The following SPSB4 variants were observed in gnomAD, a reference collection of about 807,000 sequenced individuals.
The protein encoded by SPSB4 is splA/ryanodine receptor domain and SOCS box containing 4.
Under a neutral mutation model 20.9 loss-of-function variants are expected in SPSB4, and 21 were observed. That is an observed-to-expected ratio of 1.01 (90% CI 0.71 to 1.45). The LOEUF is 1.45. Ranked by LOEUF, SPSB4 falls within the 40% of genes most tolerant of loss-of-function variation. The probability of loss-of-function intolerance (pLI) is 0.00; values close to 1 mark genes in which losing one functional copy is unlikely to be tolerated. For missense variants in SPSB4, 399 were observed against 399.2 expected, an observed-to-expected ratio of 1.00 and a Z score of 0.00; for synonymous variants, 207 against 183.8, an observed-to-expected ratio of 1.13 and a Z score of -1.02.
intron 2 of SPSB4, among the ~76,000 whole-genome samples, chr3:141,112,233 C>T (rs1243468536): frequency 6.6e-6 from 1 of 152,202 alleles, no homozygotes; most frequent in East Asian, 1.9e-4. Context: ...ATTAAATGAG[C>T]TAATTTATGG....
intron 2 of SPSB4, chr3:141,080,209 G>C (rs1938202583): frequency 6.6e-6 from 1 of 152,186 alleles, no homozygotes; most frequent in Non-Finnish European, 1.5e-5. Context: ...AAGGTTGAGA[G>C]ACTCGCCCAG....
chr3:141,090,805 C>T (rs547401314), intron 2 of SPSB4, among the ~76,000 whole-genome samples: 10 of 152,004 alleles, frequency 6.6e-5, no homozygotes, highest in Non-Finnish European at 4.4e-5. Context: ...GAAAATAGAC[C>T]GTAGAGGGGC....
At chr3:141,141,671 G>A (rs947291768) in intron 2 of SPSB4, among the ~76,000 whole-genome samples, 24 of 152,108 alleles carry the variant, frequency 1.6e-4, no homozygotes, top group African/African-American at 5.6e-4. Context: ...AATCCATCTG[G>A]TCCTTGACTT....
chr3:141,133,336 G>A (rs1317841493), intron 2 of SPSB4, among the ~76,000 whole-genome samples: 2 of 152,074 alleles, frequency 1.3e-5, no homozygotes, highest in African/African-American at 4.8e-5. Context: ...TATTGCATTT[G>A]CTTTTAGGTT....
chr3:141,070,667 CG>C (rs1559840562), intron 2 of SPSB4, among the ~76,000 whole-genome samples: 1 of 152,178 alleles, frequency 6.6e-6, no homozygotes, highest in Non-Finnish European at 1.5e-5. Flanking sequence ...GCGTGAGACA[CG>C]TCACCCGGCC....
intron 2 of SPSB4, among the ~76,000 whole-genome samples, chr3:141,140,307 A>T (rs1313838880): frequency 6.6e-6 from 1 of 151,910 alleles, no homozygotes; most frequent in East Asian, 1.9e-4. Context: ...GAGTAGTTTG[A>T]TCTTCTGAAG....
intron 1 of SPSB4, among the ~76,000 whole-genome samples, chr3:141,060,149 C>A (rs1212744823): frequency 2.6e-5 from 4 of 152,188 alleles, no homozygotes; most frequent in African/African-American, 9.7e-5. Flanking sequence ...CTAGTAGGGA[C>A]AGAGACTTTG....
intron 2 of SPSB4, among the ~76,000 whole-genome samples, chr3:141,100,271 G>T (rs561670503): frequency 9.2e-5 from 14 of 152,212 alleles, no homozygotes; most frequent in African/African-American, 2.7e-4. Context: ...TGACCTCATT[G>T]GGAAATGAGG....
At chr3:141,143,136 T>C (rs988479269) in intron 2 of SPSB4, among the ~76,000 whole-genome samples, 1 of 151,858 alleles carries the variant, frequency 6.6e-6, no homozygotes, top group Non-Finnish European at 1.5e-5. Flanking sequence ...CTTTTTAAAC[T>C]GTTGTTGCTT....
chr3:141,119,875 T>C lies in SPSB4; in HGVS notation c.695-27267T>C, dbSNP rs1047462127. On this transcript the variant is annotated intron_variant, in intron 2 of 2. Transcript: ENST00000310546. ...TTCAAAAAACCAGCTCCTGGATTCA[T>C]TGATTTTTTTTGAAGTGTTTTTTTG... 2.0e-5 allele frequency among the ~76,000 whole-genome samples: 3 copies of C among 152,212 alleles called. No homozygotes were observed. The East Asian group carries it at 5.8e-4, about 29-fold the overall frequency.
intron 2 of SPSB4, among the ~76,000 whole-genome samples, chr3:141,133,252 GT>G (rs1939164605): frequency 6.6e-6 from 1 of 151,928 alleles, no homozygotes; most frequent in Admixed American, 6.6e-5. Flanking sequence ...CCCACTCTGT[GT>G]TTACTCTGCT....
rs1939228612 is a variant in SPSB4 at position 141,136,373 on chromosome 3, G to A, written c.695-10769G>A. Among the ~76,000 whole-genome samples the A allele has an allele frequency of 2.0e-5, 3 of 152,212 alleles. No homozygotes were observed. The East Asian group carries it at 5.8e-4, about 29-fold the overall frequency. On this transcript the variant is annotated intron_variant, in intron 2 of 2. Coordinates refer to ENST00000310546, the MANE Select transcript of SPSB4 (RefSeq NM_080862.3). ...ATCCCATTTGTCAATTTTGTCTTTTGTTGCCATTGCTTTTGGTGTTTTAGA... is the reference window on the plus strand; with the variant it reads ...ATCCCATTTGTCAATTTTGTCTTTTATTGCCATTGCTTTTGGTGTTTTAGA...
At chr3:141,135,172 A>AT (rs1939205174) in intron 2 of SPSB4, among the ~76,000 whole-genome samples, 1 of 152,120 alleles carries the variant, frequency 6.6e-6, no homozygotes, top group East Asian at 1.9e-4. Context: ...TAAGTTGAGT[A>AT]AAATATAATT....
At chr3:141,096,062 G>C (rs1259276587) in intron 2 of SPSB4, among the ~76,000 whole-genome samples, 1 of 152,180 alleles carries the variant, frequency 6.6e-6, no homozygotes, top group Non-Finnish European at 1.5e-5. Context: ...AGGGAAGCCA[G>C]GAAGGGACCA....
At chr3:141,099,259 A>G (rs1036120569) in intron 2 of SPSB4, among the ~76,000 whole-genome samples, 21 of 148,606 alleles carry the variant, frequency 1.4e-4, no homozygotes, top group Non-Finnish European at 3.0e-5. Flanking sequence ...ATCTCGACTC[A>G]CTGCAAGCTC....
At position 141,148,470 on chromosome 3, in the gene SPSB4, A is replaced by G. The variant is rs1939454669; in HGVS notation, c.*1201A>G. ...ACACTCTCTGCCCAGACTCATTTTTAACTGGAAATCATCACAGCAGTGGGA... is the reference window on the plus strand; with the variant it reads ...ACACTCTCTGCCCAGACTCATTTTTGACTGGAAATCATCACAGCAGTGGGA... On this transcript the variant is annotated 3_prime_UTR_variant, in exon 3 of 3. Transcript: ENST00000310546. This position sits in a 1 kb window ranked among gnomAD's most constrained non-coding sequence, Gnocchi z 4.5. The G allele has an allele frequency of 6.5e-6, 1 of 152,696 alleles. No individual in the cohort carries two copies. Among genetic ancestry groups the G allele is most frequent in the Non-Finnish European group, 1.5e-5 (1 of 68,088 alleles). 9.5% of individuals were successfully genotyped at this position (152,696 alleles called of 1,614,324 possible).
chr3:141,071,068 G>C (rs1200901528), intron 2 of SPSB4, among the ~76,000 whole-genome samples: 2 of 152,232 alleles, frequency 1.3e-5, no homozygotes, highest in Non-Finnish European at 2.9e-5. Flanking sequence ...ACTCTGCAGG[G>C]TGTTCTGAAA....
intron 2 of SPSB4, among the ~76,000 whole-genome samples, chr3:141,125,128 G>C (rs531831369): frequency 6.6e-6 from 1 of 152,030 alleles, no homozygotes; most frequent in African/African-American, 2.4e-5. Flanking sequence ...AACCATTATC[G>C]ATCACCCTGA....
At chr3:141,092,629 C>A (rs1218811919) in intron 2 of SPSB4, among the ~76,000 whole-genome samples, 1 of 152,222 alleles carries the variant, frequency 6.6e-6, no homozygotes, top group Non-Finnish European at 1.5e-5. Flanking sequence ...TCCTGTACTG[C>A]CCTACCAGCT....
Sources: gnomAD v4.1 joint callset for allele counts (sites outside exome capture counted in the v4.1 genomes callset) on GRCh38, gnomAD v4.1.1 for gene constraint, Gnocchi (gnomAD v3.1) non-coding constraint, MANE v1.5 for transcripts, NCBI Gene and HGNC (gene_info 2026-07-23, HGNC 2026-07-21) for gene names.